Variants in SRCIN1 observed in about 807,000 individuals in gnomAD.
SRCIN1 encodes the protein P130Cas-associated protein.
SRCIN1 carries 50 observed loss-of-function variants against 116.2 expected under a neutral mutation model. That is an observed-to-expected ratio of 0.43 (90% CI 0.34 to 0.54). SRCIN1 has a LOEUF of 0.54. Ranked by LOEUF, SRCIN1 falls within the 20% of genes least tolerant of loss-of-function variation. The pLI is 0.02. For synonymous variants in SRCIN1, 736 were observed against 750.0 expected, an observed-to-expected ratio of 0.98 and a Z score of 0.30; for missense variants, 1,446 against 1,672.0, an observed-to-expected ratio of 0.86 and a Z score of 2.36.
intron 11 of SRCIN1, among the ~76,000 whole-genome samples, chr17:38,555,493 A>C (rs903434230): frequency 6.6e-6 from 1 of 152,210 alleles, no homozygotes; most frequent in Non-Finnish European, 1.5e-5. Flanking sequence ...AGATATGTTT[A>C]TTACTTTTGA....
chr17:38,578,989 C>T (rs1378079594), intron 1 of SRCIN1, among the ~76,000 whole-genome samples, 198 bp from the exon 2 acceptor site: 2 of 152,200 alleles, frequency 1.3e-5, no homozygotes, highest in African/African-American at 2.4e-5. Context: ...GAAAGCGCGC[C>T]TACGGCCCCT....
Position 38,559,579 on chromosome 17 carries a change from C to T in SRCIN1, c.2025+6G>A, listed in dbSNP as rs745314153. On this transcript the variant is annotated splice_donor_region_variant and intron_variant, in intron 10 of 18. Coordinates refer to ENST00000617146, the MANE Select transcript of SRCIN1 (RefSeq NM_025248.3). ...TGGTGGGGCGGGGCCCAGGACGGGG[C>T]GGTACCTGGAGCTTGCGCAACTGCT... 2 of 1,597,464 alleles carry T rather than the reference C, an allele frequency of 1.3e-6. No homozygotes were observed. Among genetic ancestry groups the T allele is most frequent in the Admixed American group, 3.3e-5 (2 of 59,706 alleles).
chr17:38,546,561 G>C (rs1905086774), intron 17 of SRCIN1: 1 of 152,322 alleles, frequency 6.6e-6, no homozygotes. Context: ...GGTCGGCCAG[G>C]GGCAAAAGGC....
chr17:38,537,552 G>A (rs1054748755), intron 18 of SRCIN1, among the ~76,000 whole-genome samples: 12 of 152,098 alleles, frequency 7.9e-5, no homozygotes, highest in Admixed American at 1.3e-4. Flanking sequence ...AGCACTTTGG[G>A]AGGCCGAGGC....
chr17:38,594,743 G>A (rs950312239), intron 1 of SRCIN1, among the ~76,000 whole-genome samples: 1 of 152,188 alleles, frequency 6.6e-6, no homozygotes, highest in African/African-American at 2.4e-5. Flanking sequence ...GGCTCACACA[G>A]CTAGGAAATG....
At chr17:38,535,633 G>A (rs2040990155) in intron 18 of SRCIN1, among the ~76,000 whole-genome samples, 1 of 152,156 alleles carries the variant, frequency 6.6e-6, no homozygotes, top group Admixed American at 6.5e-5. Context: ...CATGGCCCCT[G>A]CCCTCTCTGT....
intron 1 of SRCIN1, 97 bp from the exon 2 acceptor site, chr17:38,578,888 G>A (rs1907612288): frequency 2.2e-6 from 3 of 1,374,640 alleles, no homozygotes; most frequent in Admixed American, 5.8e-5. Context: ...GCGGGGCCTG[G>A]GCCTAAGGAG....
At position 38,552,269 on chromosome 17, in the gene SRCIN1, CT is replaced by C. The variant is rs1444949109; in HGVS notation, c.2481-138del. 1 of 1,436,888 alleles carries C rather than the reference CT, an allele frequency of 7.0e-7. No homozygotes were observed. Among genetic ancestry groups the C allele is most frequent in the African/African-American group, 1.4e-5 (1 of 70,096 alleles). The allele number at this position is 1,436,888 out of a possible 1,614,324, so 89.0% of individuals were successfully genotyped here. ...AGGGCCTGGGGAGGAGTGACTGCCC[CT>C]GGTATAAGAGGAAGCCAGGTCTACA... On this transcript the variant is annotated intron_variant, in intron 13 of 18. Coordinates refer to ENST00000617146, the MANE Select transcript of SRCIN1 (RefSeq NM_025248.3). The surrounding 1 kb of genome is among the most constrained non-coding windows in gnomAD (Gnocchi z 5.3).
Position 38,552,333 on chromosome 17 carries a change from C to G in SRCIN1, c.2480+114G>C. The G allele has an allele frequency of 6.9e-7, 1 of 1,454,892 alleles. No individual in the cohort carries two copies. The highest frequency in any genetic ancestry group is 9.1e-7 in the Non-Finnish European group (1 of 1,095,248). The allele number at this position is 1,454,892 out of a possible 1,614,324, so 90.1% of individuals were successfully genotyped here. A position where few individuals can be genotyped will look rare whatever the true frequency, so the allele number is the denominator to read the frequency against. On this transcript the variant is annotated intron_variant, in intron 13 of 18. Transcript: ENST00000617146. The surrounding 1 kb of genome is among the most constrained non-coding windows in gnomAD (Gnocchi z 5.3). Reference sequence around the variant, plus strand: ...CACAGGGCAGAGCTGAGGTGCCAGTCCAGTCGGCACGCCAGTGACCTTTGG... The same window carrying G: ...CACAGGGCAGAGCTGAGGTGCCAGTGCAGTCGGCACGCCAGTGACCTTTGG...
rs2040939251 is a variant in SRCIN1, at chr17:38,532,759, C to T, written c.*538G>A. ...GCTTAGACAGGGAGTGGGGCATCTC[C>T]AAGGCCAGTCTCCCTAAGCCCCGCT... On this transcript the variant is annotated 3_prime_UTR_variant, in exon 19 of 19. Transcript: ENST00000617146. This position sits in a 1 kb window ranked among gnomAD's most constrained non-coding sequence, Gnocchi z 4.3. 2.0e-5 allele frequency: 3 copies of T among 152,408 alleles called. No individual in the cohort carries two copies. The highest frequency in any genetic ancestry group is 2.0e-4 in the Admixed American group (3 of 15,284). 9.4% of individuals were successfully genotyped at this position (152,408 alleles called of 1,614,324 possible). A position where few individuals can be genotyped will look rare whatever the true frequency, so the allele number is the denominator to read the frequency against.
In SRCIN1 at chr17:38,552,993, G is replaced by T; in HGVS notation, c.2202-138C>A. 1 of 1,357,182 alleles carries T rather than the reference G, an allele frequency of 7.4e-7. No individual in the cohort carries two copies. Among genetic ancestry groups the T allele is most frequent in the Non-Finnish European group, 9.9e-7 (1 of 1,007,668 alleles). The allele number at this position is 1,357,182 out of a possible 1,614,324, so 84.1% of individuals were successfully genotyped here. A position where few individuals can be genotyped will look rare whatever the true frequency, so the allele number is the denominator to read the frequency against. On this transcript the variant is annotated intron_variant, in intron 11 of 18. Coordinates refer to ENST00000617146, the MANE Select transcript of SRCIN1 (RefSeq NM_025248.3). The surrounding 1 kb of genome is among the most constrained non-coding windows in gnomAD (Gnocchi z 5.3). ...CAGGAGGCTGGGCACCGTGGCTCAC[G>T]CCCGTAATCTCAGTACTTTGGGAGG...
At chr17:38,583,894 T>C (rs753156274) in intron 1 of SRCIN1, among the ~76,000 whole-genome samples, 8 of 152,210 alleles carry the variant, frequency 5.3e-5, no homozygotes, top group Non-Finnish European at 1.0e-4. Flanking sequence ...TGAGCAGCGA[T>C]GGGCTTGTAG....
intron 2 of SRCIN1, 66 bp downstream of exon 2, chr17:38,578,424 G>A: frequency 6.7e-7 from 1 of 1,495,696 alleles, no homozygotes; most frequent in Non-Finnish European, 8.9e-7. Context: ...GGAGCACGGG[G>A]TCAGACCTCC....
chr17:38,593,972 T>G (rs938739097), intron 1 of SRCIN1, among the ~76,000 whole-genome samples: 3 of 152,230 alleles, frequency 2.0e-5, no homozygotes, highest in Admixed American at 2.0e-4. Flanking sequence ...CTGCTTCACC[T>G]TTTTACGGAG....
intron 3 of SRCIN1, 50 bp from the exon 4 acceptor site, chr17:38,564,363 C>CT (rs1491242926): frequency 1.5e-6 from 2 of 1,373,416 alleles, no homozygotes; most frequent in South Asian, 2.8e-5. Flanking sequence ...CACCCCCCCT[C>CT]CCCTTTGCTT....
upstream of SRCIN1, among the ~76,000 whole-genome samples, chr17:38,606,982 A>T (rs1244725618): frequency 6.6e-6 from 1 of 152,138 alleles, no homozygotes; most frequent in Non-Finnish European, 1.5e-5. The surrounding 1 kb of genome is among the most constrained non-coding windows in gnomAD (Gnocchi z 5.2). Context: ...TGAGCAAGAG[A>T]GTGGACACAG....
Position 38,563,621 on chromosome 17 carries a change from G to C in SRCIN1, c.542-100C>G, listed in dbSNP as rs1439177280. 6.8e-6 allele frequency: 10 copies of C among 1,468,464 alleles called. No individual in the cohort carries two copies. Among genetic ancestry groups the C allele is most frequent in the Non-Finnish European group, 9.2e-6 (10 of 1,085,446 alleles). 91.0% of individuals were successfully genotyped at this position (1,468,464 alleles called of 1,614,324 possible). ...TTCGGAGCTGCGCCAGCCCCGCAGC[G>C]GCAGGGTCTGAGGCTAGACGCCGCC... is the stretch of plus-strand genomic sequence containing the variant. On this transcript the variant is annotated intron_variant, in intron 4 of 18. Transcript: ENST00000617146. The surrounding 1 kb of genome is among the most constrained non-coding windows in gnomAD (Gnocchi z 5.8).
rs558823876 is a variant in SRCIN1, at chr17:38,544,343, A to G, written c.3271-374T>C. ...GGGCACCATCTGGACCTGGGTGCAC[A>G]TGCCAGCAAGGGGCTCTCTATAATG... is the stretch of plus-strand genomic sequence containing the variant. On this transcript the variant is annotated intron_variant, in intron 17 of 18. Coordinates refer to ENST00000617146, the MANE Select transcript of SRCIN1 (RefSeq NM_025248.3). The surrounding 1 kb of genome is among the most constrained non-coding windows in gnomAD (Gnocchi z 4.5). Among the ~76,000 whole-genome samples the G allele has an allele frequency of 6.6e-6, 1 of 152,208 alleles. No homozygotes were observed. The highest frequency in any genetic ancestry group is 1.5e-5 in the Non-Finnish European group (1 of 67,986).
Position 38,563,537 on chromosome 17 carries a change from C to T in SRCIN1, c.542-16G>A. 6.5e-7 allele frequency: 1 copy of T among 1,544,904 alleles called. No homozygotes were observed. Among genetic ancestry groups the T allele is most frequent in the East Asian group, 2.4e-5 (1 of 40,916 alleles). ...AACAGCACCCCTGCGAAGGAGACGC[C>T]GCCCTCGCTGTCACTGCTGCCGTCT... On this transcript the variant is annotated splice_polypyrimidine_tract_variant and intron_variant, in intron 4 of 18. Transcript: ENST00000617146. The surrounding 1 kb of genome is among the most constrained non-coding windows in gnomAD (Gnocchi z 5.8).
Sources: allele counts gnomAD v4.1 joint callset (sites outside exome capture counted in the v4.1 genomes callset), GRCh38; gene constraint gnomAD v4.1.1; non-coding constraint Gnocchi (gnomAD v3.1); transcripts MANE v1.5; gene names NCBI Gene and HGNC (gene_info 2026-07-23, HGNC 2026-07-21).